RYR1: variants seen among roughly 807,000 people sequenced by gnomAD.
RYR1 encodes the protein central core disease of muscle.
A neutral mutation model predicts 583.5 loss-of-function variants in RYR1; 342 were observed. That is an observed-to-expected ratio of 0.59 (90% CI 0.54 to 0.64). The LOEUF is 0.64. RYR1 is among the 30% of genes least tolerant of loss of function. RYR1 has a pLI of 0.00. For missense variants in RYR1, 6,032 were observed against 6,917.2 expected, an observed-to-expected ratio of 0.87 and a Z score of 4.54; for synonymous variants, 2,791 against 2,822.5, an observed-to-expected ratio of 0.99 and a Z score of 0.35.
chr19:38,510,468 C>T (rs1447455802), intron 58 of RYR1, 30 bp from the exon 59 acceptor site: 2 of 1,613,620 alleles, frequency 1.2e-6, no homozygotes, highest in Non-Finnish European at 1.7e-6. Context: ...GCCTTGAACC[C>T]ACTGTGAACC....
At chr19:38,538,740 C>T (rs1164108659) in intron 84 of RYR1, 1 of 152,154 alleles carries the variant, frequency 6.6e-6, no homozygotes, top group Non-Finnish European at 1.5e-5. Flanking sequence ...CAGATTCTTT[C>T]CTATCTTAAG....
Position 38,515,096 on chromosome 19 carries a change from T to C in RYR1, c.9543T>C (p.Thr3181=). 6.2e-7 allele frequency: 1 copy of C among 1,612,236 alleles called. No homozygotes were observed. Among genetic ancestry groups the C allele is most frequent in the Non-Finnish European group, 8.5e-7 (1 of 1,178,822 alleles). Residue 3181 remains threonine, a synonymous_variant, in exon 64 of 106, where the codon ACT becomes ACC. Coordinates refer to ENST00000359596, the MANE Select transcript of RYR1 (RefSeq NM_000540.3). The part of the protein sequence containing the change: ...SIYSLGTTKN[T]YVEKLRPALG... Reference sequence around the variant, plus strand: ...ACTCCCTGGGAACCACCAAGAACACTTATGTGGAAAAGTAAGGAGAGGGAG... The same window carrying C: ...ACTCCCTGGGAACCACCAAGAACACCTATGTGGAAAAGTAAGGAGAGGGAG...
At chr19:38,584,329 G>A (rs147650548) in intron 101 of RYR1, among the ~76,000 whole-genome samples, 20 of 81,778 alleles carry the variant, frequency 2.4e-4, no homozygotes, top group Admixed American at 8.9e-4. Flanking sequence ...TCATCCCTCC[G>A]TCTGTGCCCC....
intron 104 of RYR1, 96 bp downstream of exon 104, chr19:38,586,287 G>A (rs956333919): frequency 8.1e-7 from 1 of 1,227,982 alleles, no homozygotes; most frequent in East Asian, 2.7e-5. Context: ...GAAAGGGGGT[G>A]TAGTGTCCAT....
At chr19:38,566,828 A>G in intron 91 of RYR1, 83 bp from the exon 92 acceptor site, 5 of 1,552,476 alleles carry the variant, frequency 3.2e-6, no homozygotes, top group Non-Finnish European at 4.4e-6. Context: ...GAAATAAGAG[A>G]GAAAGGAGAT....
chr19:38,470,729 C>T (rs1600723340), intron 27 of RYR1, among the ~76,000 whole-genome samples: 1 of 152,142 alleles, frequency 6.6e-6, no homozygotes, highest in Non-Finnish European at 1.5e-5. Context: ...GGTGACAGAG[C>T]AAGACCCTAT....
chr19:38,558,124 CATA>C (rs1290316034), intron 89 of RYR1, among the ~76,000 whole-genome samples: 1 of 151,506 alleles, frequency 6.6e-6, no homozygotes, highest in Non-Finnish European at 1.5e-5. Flanking sequence ...GCCTAGAAAA[CATA>C]ATGAGACCTT....
rs1971115858 is a variant in RYR1 at position 38,519,302 on chromosome 19, A to G, written c.10107A>G (p.Ala3369=). 2 of 1,613,962 alleles carry G rather than the reference A, an allele frequency of 1.2e-6. No homozygotes were observed. Among genetic ancestry groups the G allele is most frequent in the African/African-American group, 2.7e-5 (2 of 74,934 alleles). The change falls in exon 67 of 106, where the codon GCA becomes GCG. Residue 3369 remains alanine, a synonymous_variant. Coordinates refer to ENST00000359596, the MANE Select transcript of RYR1 (RefSeq NM_000540.3). ...IPTIGRLRKR[A]GKVVSEEEQL... ...CTATCGGGCGGCTGCGCAAGAGGGCAGGGAAGGTGGTGTCCGAGGAGGAGC... is the reference window on the plus strand; with the variant it reads ...CTATCGGGCGGCTGCGCAAGAGGGCGGGGAAGGTGGTGTCCGAGGAGGAGC...
At chr19:38,439,866 G>A (rs1972593248) in intron 1 of RYR1, among the ~76,000 whole-genome samples, 2 of 152,088 alleles carry the variant, frequency 1.3e-5, no homozygotes. Context: ...TTGCATTCAG[G>A]TGCCATTAGA....
chr19:38,473,350 C>G (rs369882386), intron 27 of RYR1, 27 bp from the exon 28 acceptor site: 3 of 1,613,410 alleles, frequency 1.9e-6, no homozygotes, highest in Non-Finnish European at 2.5e-6. Flanking sequence ...CCTGCCCAGC[C>G]CAGTACTCCA....
chr19:38,532,473 C>T lies in RYR1; in HGVS notation c.11142-17C>T, dbSNP rs1600949555. ...CTCTCCACCGGGTCCTGACCACTCC[C>T]CTGCTTACTTCCCCAGCAAACTGGA... On this transcript the variant is annotated splice_polypyrimidine_tract_variant and intron_variant, in intron 76 of 105. Transcript: ENST00000359596. 6.2e-7 allele frequency: 1 copy of T among 1,614,102 alleles called. No homozygotes were observed. The highest frequency in any genetic ancestry group is 2.2e-5 in the East Asian group (1 of 44,872).
chr19:38,511,755 G>A lies in RYR1; in HGVS notation c.9172+145G>A, dbSNP rs1970736025. 35 of 1,044,110 alleles carry A rather than the reference G, an allele frequency of 3.4e-5. No homozygotes were observed. The South Asian group carries it at 4.4e-4, about 13-fold the overall frequency. The allele number at this position is 1,044,110 out of a possible 1,614,324, so 64.7% of individuals were successfully genotyped here. ...GGAGACATGGACCAGGTATCCGGGG[G>A]GTAGGGCAGTGACTGAGATGCCCTG... On this transcript the variant is annotated intron_variant, in intron 61 of 105. Transcript: ENST00000359596.
In RYR1 at chr19:38,496,549, C is replaced by G; in HGVS notation, c.6796+8C>G. 1.9e-6 allele frequency: 3 copies of G among 1,613,162 alleles called. No homozygotes were observed. Among genetic ancestry groups the G allele is most frequent in the Non-Finnish European group, 2.5e-6 (3 of 1,180,016 alleles). The stretch of plus-strand genomic sequence containing the variant: ...ACAGTGGCATCGGCCTGGGTGAGAA[C>G]CCCCGAGCCCAGGGGCTGTCCCCCA... On this transcript the variant is annotated splice_region_variant and intron_variant, in intron 41 of 105. Transcript: ENST00000359596. The surrounding 1 kb of genome is among the most constrained non-coding windows in gnomAD (Gnocchi z 4.8).
intron 1 of RYR1, among the ~76,000 whole-genome samples, chr19:38,437,854 G>A (rs1434544322): frequency 1.3e-4 from 19 of 151,688 alleles, no homozygotes; most frequent in Admixed American, 1.2e-3. Flanking sequence ...TGGGTGTGGT[G>A]GCATGAGCCT....
At chr19:38,522,903 T>C in intron 67 of RYR1, 125 bp from the exon 68 acceptor site, 1 of 807,040 alleles carries the variant, frequency 1.2e-6, no homozygotes. Context: ...CAGATGACCC[T>C]AGAAACCCCA....
chr19:38,510,276 G>A (rs915771306), intron 58 of RYR1, among the ~76,000 whole-genome samples: 4 of 152,224 alleles, frequency 2.6e-5, no homozygotes, highest in South Asian at 4.2e-4. Context: ...AGCCGAGATC[G>A]TGCCATTGCA....
chr19:38,523,511 CCCT>C (rs1324133157), intron 69 of RYR1: 20 of 634,186 alleles, frequency 3.2e-5, no homozygotes, highest in South Asian at 2.8e-4. Flanking sequence ...CCTCCCATCT[CCCT>C]CCTCCTCTCC....
Position 38,466,242 on chromosome 19 carries a change from G to T in RYR1, c.3022G>T (p.Ala1008Ser), listed in dbSNP as rs770447929. 1.2e-6 allele frequency: 2 copies of T among 1,613,238 alleles called. No individual in the cohort carries two copies. Among genetic ancestry groups the T allele is most frequent in the East Asian group, 2.2e-5 (1 of 44,868 alleles). Residue 1008 changes from alanine to serine, a missense_variant, in exon 24 of 106, where the codon GCA becomes TCA. Ala to Ser is a moderately conservative substitution (Grantham distance 99). Around this residue, in one of 11 missense-constraint regions of RYR1, gnomAD observed 2,627 missense variants for 2,961.3 expected, o/e 0.89. Coordinates refer to ENST00000359596, the MANE Select transcript of RYR1 (RefSeq NM_000540.3). ...DRVGQGWSYS[A>S]VQDIPARRNP... ...CGTGGGCCAGGGCTGGAGCTACAGCGCAGTGCAGGACATCCCAGCGCGCCG... is the reference window on the plus strand; with the variant it reads ...CGTGGGCCAGGGCTGGAGCTACAGCTCAGTGCAGGACATCCCAGCGCGCCG...
At chr19:38,494,152 G>A (rs1318021093) in intron 38 of RYR1, among the ~76,000 whole-genome samples, 200 bp from the exon 39 acceptor site, 1 of 152,160 alleles carries the variant, frequency 6.6e-6, no homozygotes, top group East Asian at 1.9e-4. Flanking sequence ...CTGGGCAACA[G>A]AGCAAGACAC....
Sources: allele counts gnomAD v4.1 joint callset (sites outside exome capture counted in the v4.1 genomes callset), GRCh38; gene constraint gnomAD v4.1.1; regional missense constraint gnomAD v4.1.1; non-coding constraint Gnocchi (gnomAD v3.1); transcripts MANE v1.5; gene names NCBI Gene and HGNC (gene_info 2026-07-23, HGNC 2026-07-21).